Variants in LRRTM4 observed in about 807,000 individuals in gnomAD.
LRRTM4 encodes the protein leucine rich repeat transmembrane neuronal 4, also known as leucine-rich repeat transmembrane neuronal protein 4.
LRRTM4 carries 25 observed loss-of-function variants against 47.6 expected under a neutral mutation model. That is an observed-to-expected ratio of 0.53 (90% CI 0.38 to 0.73). The LOEUF is 0.73. LRRTM4 is among the 30% of genes least tolerant of loss of function. The probability of loss-of-function intolerance (pLI) is 0.00; values close to 1 mark genes in which losing one functional copy is unlikely to be tolerated. For synonymous variants in LRRTM4, 311 were observed against 269.5 expected (o/e 1.15, Z -1.51); for missense variants, 638 against 713.4 (o/e 0.89, Z 1.20).
At chr2:77,056,661 A>G (rs1347487616) in intron 3 of LRRTM4, among the ~76,000 whole-genome samples, 1 of 152,218 alleles carries the variant, frequency 6.6e-6, no homozygotes. Context: ...TGAAGGTTTC[A>G]GATTATTGTG....
intron 3 of LRRTM4, among the ~76,000 whole-genome samples, chr2:77,063,835 T>C (rs1249961397): frequency 3.9e-5 from 6 of 152,176 alleles, no homozygotes; most frequent in African/African-American, 2.4e-5. Flanking sequence ...CTTTGTGTTC[T>C]TCCCCCATCC....
chr2:76,815,011 C>T (rs557660526), intron 3 of LRRTM4, among the ~76,000 whole-genome samples: 72 of 151,928 alleles, frequency 4.7e-4, no homozygotes, highest in East Asian at 2.1e-3. Context: ...AGAGGTGTGG[C>T]GGGGTGGAGA....
At chr2:77,396,555 C>A (rs1243146556) in intron 3 of LRRTM4, among the ~76,000 whole-genome samples, 1 of 151,844 alleles carries the variant, frequency 6.6e-6, no homozygotes, top group Non-Finnish European at 1.5e-5. Context: ...TTTTTTAAAT[C>A]CAAATGCAGT....
intron 3 of LRRTM4, among the ~76,000 whole-genome samples, chr2:77,397,273 A>C (rs557349913): frequency 6.6e-6 from 1 of 151,998 alleles, no homozygotes; most frequent in East Asian, 1.9e-4. Flanking sequence ...TTCTGATTAC[A>C]TATTTCATAG....
intron 3 of LRRTM4, among the ~76,000 whole-genome samples, chr2:76,995,035 T>A (rs931082067): frequency 1.3e-5 from 2 of 152,018 alleles, no homozygotes; most frequent in African/African-American, 2.4e-5. Context: ...AACTGACAAG[T>A]CTGTCTTATT....
intron 3 of LRRTM4, among the ~76,000 whole-genome samples, chr2:76,805,757 C>T (rs1675933801): frequency 6.6e-6 from 1 of 152,140 alleles, no homozygotes; most frequent in Non-Finnish European, 1.5e-5. Flanking sequence ...AAACCCACTT[C>T]TAAGTGCCTT....
At chr2:77,487,811 C>T (rs574324423) in intron 3 of LRRTM4, among the ~76,000 whole-genome samples, 8 of 152,282 alleles carry the variant, frequency 5.3e-5, no homozygotes, top group African/African-American at 1.9e-4. Flanking sequence ...ACTTCCTCCC[C>T]TTTGAAGCCC....
chr2:76,788,338 G>A (rs578108820), intron 3 of LRRTM4, among the ~76,000 whole-genome samples: 20 of 152,246 alleles, frequency 1.3e-4, no homozygotes, highest in Admixed American at 4.6e-4. Flanking sequence ...CTAGATATCC[G>A]TCTTGAATAA....
intron 3 of LRRTM4, among the ~76,000 whole-genome samples, chr2:77,265,923 T>C (rs1676037689): frequency 6.6e-6 from 1 of 152,198 alleles, no homozygotes; most frequent in Non-Finnish European, 1.5e-5. Flanking sequence ...AAGATTTAGA[T>C]GTAAAAAGGT....
Position 77,333,043 on chromosome 2 carries a change from T to A in LRRTM4, c.1551+185275A>T, listed in dbSNP as rs1671027696. On this transcript the variant is annotated intron_variant, in intron 3 of 3. Transcript: ENST00000409884. Reference sequence around the variant, plus strand: ...TCTGATAGCTTTAAAAATGGCAGTTTTTGTGCATAAGCTCTCTGTTCATCT... The same window carrying A: ...TCTGATAGCTTTAAAAATGGCAGTTATTGTGCATAAGCTCTCTGTTCATCT... 2.0e-5 allele frequency among the ~76,000 whole-genome samples: 3 copies of A among 152,166 alleles called. No homozygotes were observed. In the South Asian group the frequency reaches 6.2e-4, roughly 32 times the overall value.
chr2:76,823,871 A>G (rs960175387), intron 3 of LRRTM4, among the ~76,000 whole-genome samples: 1 of 151,534 alleles, frequency 6.6e-6, no homozygotes, highest in Non-Finnish European at 1.5e-5. Flanking sequence ...AAAATAAAAC[A>G]TAAGAACATG....
chr2:76,794,300 A>G (rs1675139580), intron 3 of LRRTM4, among the ~76,000 whole-genome samples: 1 of 152,212 alleles, frequency 6.6e-6, no homozygotes, highest in Non-Finnish European at 1.5e-5. Context: ...GATAACAAAT[A>G]TCTGCATTAG....
chr2:76,969,142 C>A (rs916244134), intron 3 of LRRTM4, among the ~76,000 whole-genome samples: 17 of 152,000 alleles, frequency 1.1e-4, no homozygotes, highest in Admixed American at 4.6e-4. Context: ...CTTAAAGACA[C>A]CCTTCTCCTT....
chr2:77,318,838 TC>T (rs1677697838), intron 3 of LRRTM4, among the ~76,000 whole-genome samples: 1 of 152,008 alleles, frequency 6.6e-6, no homozygotes, highest in Non-Finnish European at 1.5e-5. Context: ...CTGATTGACT[TC>T]TGTAAAATTC....
At chr2:76,970,003 A>T (rs1447566287) in intron 3 of LRRTM4, among the ~76,000 whole-genome samples, 4 of 151,972 alleles carry the variant, frequency 2.6e-5, no homozygotes, top group African/African-American at 9.7e-5. Flanking sequence ...ACAATTTTTG[A>T]GATCACATGG....
intron 3 of LRRTM4, among the ~76,000 whole-genome samples, chr2:76,981,937 G>A (rs974594430): frequency 1.3e-5 from 2 of 151,990 alleles, no homozygotes; most frequent in African/African-American, 2.4e-5. Context: ...TTCTGGAATT[G>A]ATCAATTTGG....
intron 3 of LRRTM4, among the ~76,000 whole-genome samples, chr2:77,462,855 T>C (rs1573448479): frequency 6.6e-6 from 1 of 151,958 alleles, no homozygotes; most frequent in Middle Eastern, 3.4e-3. Flanking sequence ...GCAACCCTCC[T>C]TCTTTTAAGG....
At chr2:76,865,811 T>C (rs552927520) in intron 3 of LRRTM4, among the ~76,000 whole-genome samples, 12 of 152,254 alleles carry the variant, frequency 7.9e-5, no homozygotes, top group African/African-American at 2.6e-4. Context: ...CTATTTAAAA[T>C]AGAAATGAAA....
At chr2:77,107,136 A>C (rs1032933869) in intron 3 of LRRTM4, among the ~76,000 whole-genome samples, 1 of 152,228 alleles carries the variant, frequency 6.6e-6, no homozygotes, top group Admixed American at 6.5e-5. Context: ...TTCACTAACA[A>C]TTGGAAGTTA....
Sources: gnomAD v4.1 joint callset for allele counts (sites outside exome capture counted in the v4.1 genomes callset) on GRCh38, gnomAD v4.1.1 for gene constraint, MANE v1.5 for transcripts, NCBI Gene and HGNC (gene_info 2026-07-23, HGNC 2026-07-21) for gene names.